TMEM132D: variants seen among roughly 807,000 people sequenced by gnomAD.
The protein encoded by TMEM132D is mature OL transmembrane protein.
In TMEM132D, 21 loss-of-function variants were observed where a neutral mutation model predicts 62.3. The ratio of observed to expected loss-of-function variants is 0.34; its 90% confidence interval spans 0.24 to 0.49. TMEM132D has a LOEUF of 0.49. Among genes scored for constraint, TMEM132D ranks in the 20% least tolerant of loss-of-function variants. The pLI is 0.99. For synonymous variants in TMEM132D, 621 were observed against 575.6 expected (o/e 1.08, Z -1.13); for missense variants, 1,346 against 1,402.8 (o/e 0.96, Z 0.65).
chr12:129,284,914 G>C (rs938459192), intron 4 of TMEM132D, among the ~76,000 whole-genome samples: 1 of 152,186 alleles, frequency 6.6e-6, no homozygotes, highest in Non-Finnish European at 1.5e-5. Flanking sequence ...AGGGGTAAGG[G>C]GAAGGAGTGG....
chr12:129,123,416 T>G (rs1876121281), intron 5 of TMEM132D, among the ~76,000 whole-genome samples: 1 of 152,168 alleles, frequency 6.6e-6, no homozygotes, highest in Non-Finnish European at 1.5e-5. Flanking sequence ...CCAGGTCAAC[T>G]GTAGAAGCTT....
At chr12:129,256,928 A>G (rs1880415750) in intron 4 of TMEM132D, among the ~76,000 whole-genome samples, 1 of 152,152 alleles carries the variant, frequency 6.6e-6, no homozygotes, top group African/African-American at 2.4e-5. Flanking sequence ...AGGTACCATA[A>G]AAAAGCAATT....
chr12:129,384,515 C>CT (rs111767484), intron 3 of TMEM132D, among the ~76,000 whole-genome samples: 7,657 of 145,700 alleles, frequency 0.053, 373 homozygotes, highest in African/African-American at 0.13. Flanking sequence ...CTGCTCTGTG[C>CT]TTTTTTTTTT....
intron 3 of TMEM132D, among the ~76,000 whole-genome samples, chr12:129,397,883 C>A (rs534848431): frequency 6.6e-6 from 1 of 152,260 alleles, no homozygotes; most frequent in South Asian, 2.1e-4. Flanking sequence ...ACCAAAAACT[C>A]ACAGGCAGAG....
chr12:129,518,001 G>T (rs1272079537), intron 3 of TMEM132D, among the ~76,000 whole-genome samples: 1 of 152,094 alleles, frequency 6.6e-6, no homozygotes, highest in Non-Finnish European at 1.5e-5. Flanking sequence ...CTGGCAAAAA[G>T]ATAGTCACTT....
rs575299478 is a variant in TMEM132D at position 129,509,064 on chromosome 12, A to G, written c.1115+21995T>C. Among the ~76,000 whole-genome samples the G allele has an allele frequency of 2.6e-5, 4 of 152,256 alleles. No individual in the cohort carries two copies. In the East Asian group the frequency reaches 7.7e-4, roughly 29 times the overall value. ...CCTGATTACACACATTATTTACTGA[A>G]CCTACCACTTTGAGCAATTGAGCCA... On this transcript the variant is annotated intron_variant, in intron 3 of 8. Transcript: ENST00000422113.
intron 4 of TMEM132D, among the ~76,000 whole-genome samples, chr12:129,312,437 A>G (rs1327528496): frequency 1.3e-5 from 2 of 152,242 alleles, no homozygotes; most frequent in Non-Finnish European, 2.9e-5. Context: ...CTCTGTGGAC[A>G]ATGGGAAGTG....
intron 5 of TMEM132D, among the ~76,000 whole-genome samples, chr12:129,197,204 A>G (rs1878573430): frequency 6.6e-6 from 1 of 152,204 alleles, no homozygotes; most frequent in Non-Finnish European, 1.5e-5. Flanking sequence ...TGGATTTTAT[A>G]TAATTTTTAT....
intron 1 of TMEM132D, among the ~76,000 whole-genome samples, chr12:129,876,808 TCTC>T (rs1874428441): frequency 6.6e-6 from 1 of 152,176 alleles, no homozygotes. Flanking sequence ...TGAAGCTCTC[TCTC>T]CTCTACTGGA....
chr12:129,730,084 A>G (rs1197710020), intron 1 of TMEM132D, among the ~76,000 whole-genome samples: 1 of 152,150 alleles, frequency 6.6e-6, no homozygotes, highest in African/African-American at 2.4e-5. Context: ...CCAAGTGAAT[A>G]AACAGCCTTG....
chr12:129,325,551 C>A (rs534572507), intron 4 of TMEM132D, among the ~76,000 whole-genome samples: 4 of 152,298 alleles, frequency 2.6e-5, no homozygotes, highest in Admixed American at 2.0e-4. Flanking sequence ...AGAAATACAA[C>A]AAGTCTCACG....
At chr12:129,304,454 A>AC (rs1347845341) in intron 4 of TMEM132D, among the ~76,000 whole-genome samples, 6 of 151,840 alleles carry the variant, frequency 4.0e-5, no homozygotes, top group Admixed American at 1.3e-4. Context: ...CCGTGCAAAG[A>AC]CCAGGTCATG....
At chr12:129,145,364 G>A (rs1260477930) in intron 5 of TMEM132D, among the ~76,000 whole-genome samples, 2 of 152,092 alleles carry the variant, frequency 1.3e-5, no homozygotes, top group Non-Finnish European at 2.9e-5. Flanking sequence ...TGGCGGGTGG[G>A]GGGTTCAGGG....
intron 1 of TMEM132D, among the ~76,000 whole-genome samples, chr12:129,830,575 CCTT>C (rs1352680904): frequency 2.0e-5 from 3 of 152,124 alleles, no homozygotes; most frequent in Non-Finnish European, 2.9e-5. Context: ...GAACCAGTAT[CCTT>C]CTTCCATAAA....
At chr12:129,105,992 C>G (rs994680028) in intron 5 of TMEM132D, among the ~76,000 whole-genome samples, 1 of 151,648 alleles carries the variant, frequency 6.6e-6, no homozygotes, top group African/African-American at 2.4e-5. Flanking sequence ...GCACTATTCA[C>G]GATAGCAAAG....
At chr12:129,315,290 T>C (rs1482268871) in intron 4 of TMEM132D, among the ~76,000 whole-genome samples, 2 of 152,338 alleles carry the variant, frequency 1.3e-5, no homozygotes, top group East Asian at 1.9e-4. Context: ...TTGTCATAGA[T>C]GGCTTTTATT....
At chr12:129,245,636 T>C (rs2135587155) in intron 4 of TMEM132D, among the ~76,000 whole-genome samples, 1 of 152,270 alleles carries the variant, frequency 6.6e-6, no homozygotes, top group East Asian at 1.9e-4. Flanking sequence ...CTTCCATTTT[T>C]CCTATATTTA....
chr12:129,151,945 T>TCGGC, intron 5 of TMEM132D, among the ~76,000 whole-genome samples: 5 of 149,968 alleles, frequency 3.3e-5, no homozygotes, highest in African/African-American at 1.2e-4. Flanking sequence ...TGGTGCAATC[T>TCGGC]TGGCTCACTG....
chr12:129,223,998 T>C (rs1879416662), intron 4 of TMEM132D, among the ~76,000 whole-genome samples: 1 of 152,156 alleles, frequency 6.6e-6, no homozygotes, highest in Non-Finnish European at 1.5e-5. Flanking sequence ...ATCTCTGGCC[T>C]CCACCCACTA....
Sources: gnomAD v4.1 joint callset for allele counts (sites outside exome capture counted in the v4.1 genomes callset) on GRCh38, gnomAD v4.1.1 for gene constraint, MANE v1.5 for transcripts, NCBI Gene and HGNC (gene_info 2026-07-23, HGNC 2026-07-21) for gene names.